Variants in OCA2 observed in about 807,000 individuals in gnomAD.
OCA2 encodes the protein P protein.
OCA2 carries 77 observed loss-of-function variants against 100.2 expected under a neutral mutation model. That is an observed-to-expected ratio of 0.77 (90% CI 0.64 to 0.93). OCA2 has a LOEUF of 0.93. OCA2 is among the 40% of genes least tolerant of loss of function. The pLI is 0.00. For missense variants in OCA2, 1,062 were observed against 1,089.1 expected, an observed-to-expected ratio of 0.98 and a Z score of 0.35; for synonymous variants, 432 against 439.2, an observed-to-expected ratio of 0.98 and a Z score of 0.21.
At position 27,957,637 on chromosome 15, in the gene OCA2, C is replaced by T. The variant is rs1462263661; in HGVS notation, c.1735G>A (p.Val579Met). The change falls in exon 16 of 24, where the codon GTG becomes ATG. Residue 579 changes from valine (V) to methionine (M), a missense_variant. Transcript: ENST00000354638. This position sits in a 1 kb window ranked among gnomAD's most constrained non-coding sequence, Gnocchi z 4.3. ...TAVRRLLLGK[V>M]LALEHLLARR... ...GCGAGCAGGTGCTCCAGTGCCAGCA[C>T]CTTCCCCAGCAGCAGGCGGCGCACA... The T allele has an allele frequency of 1.2e-6, 2 of 1,612,966 alleles. No homozygotes were observed. The highest frequency in any genetic ancestry group is 1.3e-5 in the African/African-American group (1 of 74,938).
intron 18 of OCA2, among the ~76,000 whole-genome samples, chr15:27,927,814 T>C (rs2039099937): frequency 8.2e-6 from 1 of 121,640 alleles, no homozygotes; most frequent in Admixed American, 1.0e-4. Flanking sequence ...TTTTTTGAGA[T>C]GGAGTCTTAC....
At chr15:27,739,875 C>T in the OCA2 span, among the ~76,000 whole-genome samples, 1 of 152,146 alleles carries the variant, frequency 6.6e-6, no homozygotes, top group South Asian at 2.1e-4. Flanking sequence ...CTACAGAAGC[C>T]ATCTTCTCCC....
At chr15:28,061,847 T>A (rs2043882467) in intron 2 of OCA2, among the ~76,000 whole-genome samples, 1 of 152,240 alleles carries the variant, frequency 6.6e-6, no homozygotes, top group East Asian at 1.9e-4. Context: ...ATATCTGGCT[T>A]CTTTCACTGA....
chr15:28,011,893 G>A (rs1266245755), intron 9 of OCA2, among the ~76,000 whole-genome samples: 5 of 150,036 alleles, frequency 3.3e-5, no homozygotes, highest in African/African-American at 1.2e-4. Flanking sequence ...CTCCAGCCTG[G>A]GCAACAGAGG....
At chr15:27,752,974 G>A (rs2030123947), downstream of OCA2, among the ~76,000 whole-genome samples, 1 of 152,064 alleles carries the variant, frequency 6.6e-6, no homozygotes, top group Non-Finnish European at 1.5e-5. Context: ...GCAGTGCTGA[G>A]GTCCTGTCTG....
intron 23 of OCA2, 77 bp downstream of exon 23, chr15:27,844,881 TA>T (rs1225955558): frequency 5.8e-6 from 6 of 1,027,734 alleles, no homozygotes; most frequent in South Asian, 2.7e-5. Flanking sequence ...TTTTAGCATT[TA>T]ATGTGTTATT....
At chr15:27,730,231 A>G in the OCA2 span, among the ~76,000 whole-genome samples, 2 of 152,152 alleles carry the variant, frequency 1.3e-5, no homozygotes, top group Non-Finnish European at 2.9e-5. Flanking sequence ...ATTGCCAGTT[A>G]ATTATAGAGG....
At chr15:28,050,791 G>C (rs1031051840) in intron 2 of OCA2, among the ~76,000 whole-genome samples, 1 of 152,160 alleles carries the variant, frequency 6.6e-6, no homozygotes, top group Admixed American at 6.5e-5. Context: ...CCGAGTGCAG[G>C]TAAAACACAT....
At chr15:28,007,512 C>T (rs1223791664) in intron 9 of OCA2, among the ~76,000 whole-genome samples, 3 of 152,126 alleles carry the variant, frequency 2.0e-5, no homozygotes, top group Non-Finnish European at 2.9e-5. Flanking sequence ...AGGCAGATCA[C>T]GAGGTCAGGA....
At chr15:27,866,973 A>G (rs1332116577) in intron 21 of OCA2, among the ~76,000 whole-genome samples, 1 of 152,228 alleles carries the variant, frequency 6.6e-6, no homozygotes, top group Non-Finnish European at 1.5e-5. Flanking sequence ...CCCTGGACTC[A>G]GCAGCCAGCG....
rs751023509 is a variant in OCA2, at chr15:27,871,282, G to T, written c.2140-24C>A. On this transcript the variant is annotated intron_variant, in intron 20 of 23. Transcript: ENST00000354638. ...ATCTGGAAGGAGGACAATAGCAGCT[G>T]CAGTGTTCCATCGCATGCACTTAGG... is the stretch of plus-strand genomic sequence containing the variant. 2.0e-5 allele frequency: 31 copies of T among 1,574,032 alleles called. No homozygotes were observed. In the South Asian group the frequency reaches 3.2e-4, roughly 16 times the overall value.
the OCA2 span, among the ~76,000 whole-genome samples, chr15:27,738,810 G>T: frequency 1.3e-5 from 2 of 152,140 alleles, no homozygotes; most frequent in African/African-American, 4.8e-5. Context: ...TGGGTTTCTA[G>T]GTTGTAAGAG....
chr15:27,901,060 C>T (rs2037908676), intron 19 of OCA2, among the ~76,000 whole-genome samples: 1 of 152,206 alleles, frequency 6.6e-6, no homozygotes, highest in Non-Finnish European at 1.5e-5. Context: ...ACTTATTCTC[C>T]ATTGTCATAA....
chr15:27,947,307 G>A (rs1031036657), intron 18 of OCA2, among the ~76,000 whole-genome samples: 7 of 152,234 alleles, frequency 4.6e-5, no homozygotes, highest in Admixed American at 4.6e-4. Flanking sequence ...AGGCACTGCA[G>A]ACCTCTGCAG....
At chr15:27,785,279 G>A (rs1169991485) in intron 23 of OCA2, among the ~76,000 whole-genome samples, 5 of 152,074 alleles carry the variant, frequency 3.3e-5, no homozygotes, top group African/African-American at 1.2e-4. Context: ...AGGTATGTAC[G>A]CAAAAGAACT....
intron 18 of OCA2, among the ~76,000 whole-genome samples, chr15:27,936,751 G>T (rs1397056451): frequency 6.6e-6 from 1 of 152,082 alleles, no homozygotes; most frequent in African/African-American, 2.4e-5. Context: ...CCAGAAAGTG[G>T]CTGTGACTGC....
At chr15:27,907,754 T>G (rs1473668692) in intron 19 of OCA2, among the ~76,000 whole-genome samples, 1 of 152,216 alleles carries the variant, frequency 6.6e-6, no homozygotes, top group Non-Finnish European at 1.5e-5. Context: ...TTTTAAACCC[T>G]AGGTGAAATG....
At chr15:27,919,503 A>G (rs1243429668) in intron 19 of OCA2, among the ~76,000 whole-genome samples, 1 of 152,200 alleles carries the variant, frequency 6.6e-6, no homozygotes, top group Non-Finnish European at 1.5e-5. Context: ...ATATTACTAA[A>G]TGAAAGAGGC....
At chr15:27,725,563 C>T in the OCA2 span, among the ~76,000 whole-genome samples, 5 of 152,062 alleles carry the variant, frequency 3.3e-5, no homozygotes, top group East Asian at 3.9e-4. Flanking sequence ...AGTGAGACTC[C>T]GTGACAAACA....
Sources: gnomAD v4.1 joint callset for allele counts (sites outside exome capture counted in the v4.1 genomes callset) on GRCh38, gnomAD v4.1.1 for gene constraint, Gnocchi (gnomAD v3.1) non-coding constraint, MANE v1.5 for transcripts, NCBI Gene and HGNC (gene_info 2026-07-23, HGNC 2026-07-21) for gene names.